PLEKHG4B: variants seen among roughly 807,000 people sequenced by gnomAD.
The protein encoded by PLEKHG4B is pleckstrin homology and RhoGEF domain containing G4B.
A neutral mutation model predicts 121.3 loss-of-function variants in PLEKHG4B; 111 were observed. The ratio of observed to expected loss-of-function variants is 0.92; its 90% CI spans 0.78 to 1.07. PLEKHG4B has a LOEUF of 1.07. Among genes scored for constraint, PLEKHG4B ranks in the 50% least tolerant of loss-of-function variants. The probability of loss-of-function intolerance (pLI) is 0.00; values close to 1 mark genes in which losing one functional copy is unlikely to be tolerated. For missense variants in PLEKHG4B, 1,831 were observed against 1,757.8 expected (o/e 1.04, Z -0.74); for synonymous variants, 738 against 725.0 (o/e 1.02, Z -0.29).
At chr5:141,709 T>A (rs551609969) in intron 3 of PLEKHG4B, among the ~76,000 whole-genome samples, 1 of 145,792 alleles carries the variant, frequency 6.9e-6, no homozygotes, top group Non-Finnish European at 1.5e-5. Context: ...CTTAAATATT[T>A]CATTTTTTTT....
At chr5:102,395 T>A (rs1733847833) in intron 1 of PLEKHG4B, among the ~76,000 whole-genome samples, 1 of 152,180 alleles carries the variant, frequency 6.6e-6, no homozygotes, top group African/African-American at 2.4e-5. Context: ...GAATGATGTC[T>A]TTTGTTTCCA....
rs1450314835 is a variant in PLEKHG4B at position 156,034 on chromosome 5, A to T, written c.2209-37A>T. ...CTTGGGAGGACCTGCCCCTTGGAGG[A>T]GGGAGTTAAAGGCTTATTCCTCCCC... On this transcript the variant is annotated intron_variant, in intron 9 of 19. Transcript: ENST00000637938. The surrounding 1 kb of genome is among the most constrained non-coding windows in gnomAD (Gnocchi z 4.4). 6.7e-7 allele frequency: 1 copy of T among 1,501,684 alleles called. No homozygotes were observed. The highest frequency in any genetic ancestry group is 2.0e-5 in the Admixed American group (1 of 49,450). 93.0% of individuals were successfully genotyped at this position (1,501,684 alleles called of 1,614,324 possible). A position where few individuals can be genotyped will look rare whatever the true frequency, so the allele number is the denominator to read the frequency against.
chr5:162,354 T>C (rs1339290520), intron 12 of PLEKHG4B, among the ~76,000 whole-genome samples: 5 of 152,130 alleles, frequency 3.3e-5, no homozygotes, highest in Non-Finnish European at 5.9e-5. Flanking sequence ...GCCACGGAGC[T>C]CACCTGTCAG....
chr5:128,671 T>G lies in PLEKHG4B; in HGVS notation c.244-10812T>G, dbSNP rs144213130. Among the ~76,000 whole-genome samples the G allele has an allele frequency of 5.1e-3, 769 of 152,188 alleles. 4 individuals are homozygous for G. The highest frequency in any genetic ancestry group is 0.017 in the African/African-American group (722 of 41,522). ...TTCATGCTTTTGGTAGACTCCAGAGTTCCAAAATAGTTATGGCAGACAGAT... is the reference window on the plus strand; with the variant it reads ...TTCATGCTTTTGGTAGACTCCAGAGGTCCAAAATAGTTATGGCAGACAGAT... On this transcript the variant is annotated intron_variant, in intron 2 of 19. Coordinates refer to ENST00000637938, the MANE Select transcript of PLEKHG4B (RefSeq NM_052909.5).
intron 2 of PLEKHG4B, among the ~76,000 whole-genome samples, chr5:135,187 C>CAAAAAAAAAAAAAAAAAAAAAAAAA (rs35601775): frequency 2.1e-5 from 1 of 48,776 alleles, no homozygotes; most frequent in African/African-American, 6.3e-5. Flanking sequence ...GACTCCAGCT[C>CAAAAAAAAAAAAAAAAAAAAAAAAA]AAAAAAAAAA....
Position 143,188 on chromosome 5 carries a change from G to T in PLEKHG4B, c.1619G>T (p.Ser540Ile). 6.2e-7 allele frequency: 1 copy of T among 1,611,716 alleles called. No individual in the cohort carries two copies. Among genetic ancestry groups the T allele is most frequent in the Non-Finnish European group, 8.5e-7 (1 of 1,180,006 alleles). ...GWPPGTGDFP[S>I]QVPKQVLDVS... ...CCACCCGGCACAGGAGACTTCCCCA[G>T]CCAGGTGCCCAAGCAGGTGCTGGAC... The change falls in exon 4 of 20, where the codon AGC becomes ATC. Residue 540 changes from serine (S) to isoleucine (I), a missense_variant. Coordinates refer to ENST00000637938, the MANE Select transcript of PLEKHG4B (RefSeq NM_052909.5).
At chr5:128,917 G>A (rs7701057) in intron 2 of PLEKHG4B, among the ~76,000 whole-genome samples, 28,072 of 152,060 alleles carry the variant, frequency 0.18, 3,562 homozygotes, top group African/African-American at 0.36. Context: ...GGGAGGGGTC[G>A]GACAGGCCTT....
intron 3 of PLEKHG4B, among the ~76,000 whole-genome samples, chr5:141,836 C>T (rs1013776143): frequency 3.3e-5 from 5 of 151,350 alleles, no homozygotes; most frequent in East Asian, 1.9e-4. Flanking sequence ...CACCCAACCT[C>T]GGGAAAGTGA....
At chr5:150,858 C>T (rs1025218635) in intron 6 of PLEKHG4B, among the ~76,000 whole-genome samples, 15 of 152,170 alleles carry the variant, frequency 9.9e-5, no homozygotes, top group Non-Finnish European at 2.1e-4. Context: ...AGATATTTAT[C>T]CAAGAGAAAT....
chr5:143,970 G>T (rs114742264), intron 5 of PLEKHG4B: 8,359 of 170,708 alleles, frequency 0.049, 312 homozygotes, highest in Non-Finnish European at 0.062. Context: ...TTGAGACAGG[G>T]TCTTGCTCTG....
rs1034676399 is a variant in PLEKHG4B at position 113,162 on chromosome 5, G to A, written c.46-89G>A. 2.5e-6 allele frequency: 1 copy of A among 398,388 alleles called. No homozygotes were observed. Among genetic ancestry groups the A allele is most frequent in the Non-Finnish European group, 4.4e-6 (1 of 226,072 alleles). The allele number at this position is 398,388 out of a possible 1,614,324, so 24.7% of individuals were successfully genotyped here. ...CAGACACAGGACAAGGGACTTCCGT[G>A]TGGATCCTTCAGTGCCAGCCTTGGA... On this transcript the variant is annotated intron_variant, in intron 1 of 19. Transcript: ENST00000637938. The surrounding 1 kb of genome is among the most constrained non-coding windows in gnomAD (Gnocchi z 5.2).
intron 18 of PLEKHG4B, among the ~76,000 whole-genome samples, chr5:180,632 C>T (rs765760985): frequency 6.6e-5 from 10 of 152,178 alleles, no homozygotes; most frequent in Non-Finnish European, 1.2e-4. Context: ...TGTTCTTGGC[C>T]GTGGGCTTGG....
intron 9 of PLEKHG4B, 67 bp downstream of exon 9, chr5:155,510 C>G (rs1735746706): frequency 8.1e-7 from 1 of 1,238,782 alleles, no homozygotes; most frequent in East Asian, 2.3e-5. Flanking sequence ...AAAGGTTAGC[C>G]AAACTTGAAA....
chr5:170,767 C>G (rs1736516417), intron 14 of PLEKHG4B, among the ~76,000 whole-genome samples: 3 of 152,060 alleles, frequency 2.0e-5, no homozygotes, highest in Middle Eastern at 3.2e-3. Flanking sequence ...CCTCTTCCCC[C>G]CTCAACCCCC....
intron 1 of PLEKHG4B, among the ~76,000 whole-genome samples, chr5:110,185 T>A (rs1360455280): frequency 1.5e-5 from 2 of 132,724 alleles, no homozygotes; most frequent in African/African-American, 5.8e-5. Context: ...CCGGCCACTC[T>A]GCAACGCACA....
chr5:94,777 G>A (rs1733582848), intron 1 of PLEKHG4B, among the ~76,000 whole-genome samples: 1 of 152,058 alleles, frequency 6.6e-6, no homozygotes, highest in African/African-American at 2.4e-5. Context: ...CAAAGAACAG[G>A]CCTGGAATCT....
chr5:121,595 G>C (rs1379988135), intron 2 of PLEKHG4B, among the ~76,000 whole-genome samples: 1 of 152,060 alleles, frequency 6.6e-6, no homozygotes, highest in Non-Finnish European at 1.5e-5. Flanking sequence ...CAGGAAGCTC[G>C]TCATCACCTG....
At chr5:169,188 C>G in intron 13 of PLEKHG4B, 152 bp from the exon 14 acceptor site, 1 of 1,077,562 alleles carries the variant, frequency 9.3e-7, no homozygotes, top group Non-Finnish European at 1.3e-6. Context: ...GCTTTTTTAT[C>G]GTGCATCCCA....
Position 169,535 on chromosome 5 carries a change from G to A in PLEKHG4B, c.3672G>A (p.Arg1224=). The change falls in exon 14 of 20, where the codon CGG becomes CGA. Residue 1224 remains arginine (R), a synonymous_variant. Transcript: ENST00000637938. The part of the protein sequence containing the change: ...LHDFHQQHFL[R]ELERCQHCPL... ...ACTTCCACCAGCAGCACTTCCTCCG[G>A]GAGCTGGAGCGCTGCCAGCACTGCC... is the stretch of plus-strand genomic sequence containing the variant. The A allele has an allele frequency of 6.2e-7, 1 of 1,613,998 alleles. No individual in the cohort carries two copies.
Sources: gnomAD v4.1 joint callset for allele counts (sites outside exome capture counted in the v4.1 genomes callset) on GRCh38, gnomAD v4.1.1 for gene constraint, Gnocchi (gnomAD v3.1) non-coding constraint, MANE v1.5 for transcripts, NCBI Gene and HGNC (gene_info 2026-07-23, HGNC 2026-07-21) for gene names.